Variants in PHEX observed in about 807,000 individuals in gnomAD.
PHEX encodes phosphate-regulating neutral endopeptidase PHEX.
In PHEX, 16 loss-of-function variants were observed where a neutral mutation model predicts 68.0. The observed-to-expected ratio is 0.24, with a 90% CI of 0.16 to 0.36. The LOEUF (loss-of-function observed/expected upper bound fraction) is 0.36, where lower values mean the gene tolerates loss of function less well. PHEX is among the 10% of genes least tolerant of loss of function. PHEX has a pLI of 1.00. For missense variants in PHEX, 480 were observed against 575.5 expected, an observed-to-expected ratio of 0.83 and a Z score of 1.70; for synonymous variants, 208 against 205.1, an observed-to-expected ratio of 1.01 and a Z score of -0.12.
chrX:22,037,673 T>C (rs1263234242), intron 1 of PHEX, among the ~76,000 whole-genome samples: 1 of 110,844 alleles, frequency 9.0e-6, no homozygotes, highest in African/African-American at 3.3e-5. Flanking sequence ...AGCTGGAAGC[T>C]TGGTCCACAA....
intron 1 of PHEX, among the ~76,000 whole-genome samples, chrX:22,036,620 A>G (rs1758915872): frequency 9.0e-6 from 1 of 111,535 alleles, no homozygotes; most frequent in African/African-American, 3.3e-5. Flanking sequence ...CATTAGGTCA[A>G]CATATAAAAA....
chrX:22,128,458 C>T (rs1371294748), intron 11 of PHEX, among the ~76,000 whole-genome samples: 1 of 110,480 alleles, frequency 9.1e-6, no homozygotes, highest in African/African-American at 3.3e-5. Flanking sequence ...TGAAACCAAG[C>T]TGCTTAGAGA....
At chrX:22,218,091 G>A (rs1488270625) in intron 16 of PHEX, among the ~76,000 whole-genome samples, 2 of 110,039 alleles carry the variant, frequency 1.8e-5, no homozygotes, top group Non-Finnish European at 3.8e-5. Context: ...TCTCGTGGCT[G>A]GGGCATGGCA....
At chrX:22,098,093 G>GTTT (rs879094593) in intron 8 of PHEX, 17 of 89,610 alleles carry the variant, frequency 1.9e-4, no homozygotes, top group African/African-American at 4.3e-4. Flanking sequence ...TTCCTCTTGT[G>GTTT]TTTTTTTTTT....
chrX:22,236,106 G>A (rs1005822487), intron 20 of PHEX, among the ~76,000 whole-genome samples: 2 of 111,145 alleles, frequency 1.8e-5, no homozygotes, highest in African/African-American at 6.6e-5. Flanking sequence ...TGTCTCTTTG[G>A]CTTTGCTTCT....
At chrX:22,068,598 G>A (rs749254996) in intron 3 of PHEX, among the ~76,000 whole-genome samples, 2 of 111,942 alleles carry the variant, frequency 1.8e-5, no homozygotes, top group African/African-American at 6.5e-5. Context: ...AGTCTCCTTG[G>A]ACAAGTTCTT....
chrX:22,234,590 C>T (rs1323292456), intron 20 of PHEX, among the ~76,000 whole-genome samples: 1 of 109,858 alleles, frequency 9.1e-6, no homozygotes, highest in African/African-American at 3.3e-5. Flanking sequence ...CTACTGAAGC[C>T]TCAGCATTGG....
intron 15 of PHEX, among the ~76,000 whole-genome samples, chrX:22,196,665 T>A (rs1008604981): frequency 1.2e-3 from 136 of 112,610 alleles, no homozygotes; most frequent in Non-Finnish European, 2.2e-3. Flanking sequence ...AGTATTTGGT[T>A]TTTATTTTCA....
chrX:22,112,494 G>A (rs758866407), intron 10 of PHEX, among the ~76,000 whole-genome samples: 1 of 112,267 alleles, frequency 8.9e-6, no homozygotes, highest in Non-Finnish European at 1.9e-5. Flanking sequence ...TTTCATTCAA[G>A]AGGCATTTTA....
At chrX:22,210,211 C>T (rs909738846) in intron 15 of PHEX, among the ~76,000 whole-genome samples, 3 of 111,625 alleles carry the variant, frequency 2.7e-5, no homozygotes, top group Non-Finnish European at 5.6e-5. Context: ...TGCCTAAGGG[C>T]ATCAGATTCT....
At chrX:22,242,528 C>G (rs778178301) in intron 20 of PHEX, among the ~76,000 whole-genome samples, 1 of 111,456 alleles carries the variant, frequency 9.0e-6, no homozygotes, top group South Asian at 3.8e-4. Flanking sequence ...TTAAGAAAAC[C>G]CCATCGTCTC....
chrX:22,239,114 C>T (rs1489816245), intron 20 of PHEX, among the ~76,000 whole-genome samples: 1 of 111,924 alleles, frequency 8.9e-6, no homozygotes, highest in Non-Finnish European at 1.9e-5. Context: ...CTCCAGCAAA[C>T]TCCAGCAGAC....
intron 12 of PHEX, among the ~76,000 whole-genome samples, chrX:22,140,313 C>G (rs1932403539): frequency 9.0e-6 from 1 of 110,718 alleles, no homozygotes. Flanking sequence ...CTGTTGCTGT[C>G]TCTGCTAAAG....
intron 14 of PHEX, among the ~76,000 whole-genome samples, chrX:22,189,581 A>G (rs1368920204): frequency 1.8e-5 from 2 of 111,963 alleles, no homozygotes; most frequent in Non-Finnish European, 3.8e-5. Context: ...TGAAAAAAAA[A>G]AGAGAAATAA....
chrX:22,248,527 G>C lies in PHEX; in HGVS notation c.*574G>C, dbSNP rs776361459. 3 of 117,806 alleles carry C rather than the reference G, an allele frequency of 2.5e-5. No homozygotes were observed. Among genetic ancestry groups the C allele is most frequent in the African/African-American group, 9.7e-5 (3 of 31,017 alleles). 9.7% of individuals were successfully genotyped at this position (117,806 alleles called of 1,213,427 possible). On this transcript the variant is annotated 3_prime_UTR_variant, in exon 22 of 22. Coordinates refer to ENST00000379374, the MANE Select transcript of PHEX (RefSeq NM_000444.6). ...CTTTTTGATGAAGTTCTTGCCTTCA[G>C]CTTTGGAGTCTGTTGGAATGAAACT...
In PHEX at chrX:22,080,236, A is replaced by C. The variant is rs200608796; in HGVS notation, c.663+2534A>C. 3.4e-4 allele frequency among the ~76,000 whole-genome samples: 38 copies of C among 112,082 alleles called. 1 individual carries two copies. Among genetic ancestry groups the C allele is most frequent in the East Asian group, 2.2e-3 (8 of 3,591 alleles). On this transcript the variant is annotated intron_variant, in intron 5 of 21. Coordinates refer to ENST00000379374, the MANE Select transcript of PHEX (RefSeq NM_000444.6). ...AGAAACACTAAAATGTCAATGATAG[A>C]ATACTTTCCAAATGTAAGGAGGCAC...
chrX:22,039,165 C>A (rs1452305853), intron 2 of PHEX, among the ~76,000 whole-genome samples: 1 of 111,995 alleles, frequency 8.9e-6, no homozygotes, highest in Non-Finnish European at 1.9e-5. Context: ...GACGGAGTTT[C>A]ACCTTGTTGG....
At chrX:22,067,198 C>T (rs1374951154) in intron 3 of PHEX, among the ~76,000 whole-genome samples, 2 of 109,061 alleles carry the variant, frequency 1.8e-5, no homozygotes, top group Admixed American at 9.8e-5. Context: ...GCCAAGATCG[C>T]GCCACTGCAC....
chrX:22,055,577 T>A (rs942283133), intron 3 of PHEX, among the ~76,000 whole-genome samples: 1 of 111,032 alleles, frequency 9.0e-6, no homozygotes, highest in Non-Finnish European at 1.9e-5. Flanking sequence ...TCTTTTTTTT[T>A]TTGAGGCGGA....
Sources: allele counts gnomAD v4.1 joint callset (sites outside exome capture counted in the v4.1 genomes callset), GRCh38; gene constraint gnomAD v4.1.1; transcripts MANE v1.5; gene names NCBI Gene and HGNC (gene_info 2026-07-23, HGNC 2026-07-21).